The following PDS5B variants were observed in gnomAD, a reference collection of about 807,000 sequenced individuals.
PDS5B encodes PDS5 cohesin associated factor B, also known as sister chromatid cohesion protein PDS5 homolog B.
PDS5B carries 51 observed loss-of-function variants against 184.1 expected under a neutral mutation model. That is an observed-to-expected ratio of 0.28 (90% CI 0.22 to 0.35). The LOEUF (loss-of-function observed/expected upper bound fraction) is 0.35, where lower values mean the gene tolerates loss of function less well. Among genes scored for constraint, PDS5B ranks in the 10% least tolerant of loss-of-function variants. The pLI, the probability that PDS5B is intolerant of heterozygous loss-of-function variation, is 1.00. For synonymous variants in PDS5B, 566 were observed against 569.2 expected (o/e 0.99, Z 0.08); for missense variants, 1,180 against 1,723.3 (o/e 0.68, Z 5.58).
intron 19 of PDS5B, among the ~76,000 whole-genome samples, chr13:32,727,248 C>T (rs1198627942): frequency 2.6e-5 from 4 of 152,134 alleles, no homozygotes; most frequent in African/African-American, 9.7e-5. Context: ...CTTCCATGCC[C>T]ATTTCCTCCA....
chr13:32,711,171 G>A (rs1215730252), intron 19 of PDS5B, among the ~76,000 whole-genome samples: 1 of 150,996 alleles, frequency 6.6e-6, no homozygotes, highest in East Asian at 2.0e-4. Flanking sequence ...TTTTTGTAGA[G>A]ACAGGGTTTT....
Position 32,775,952 on chromosome 13 carries a change from G to A in PDS5B, c.*900G>A. On this transcript the variant is annotated 3_prime_UTR_variant, in exon 35 of 35. Coordinates refer to ENST00000315596, the MANE Select transcript of PDS5B (RefSeq NM_015032.4). Reference sequence around the variant, plus strand: ...TTATTGTGTATAGATATTTCCTCTTGAACGTTATGTTCAGAAAATGCAAAT... The same window carrying A: ...TTATTGTGTATAGATATTTCCTCTTAAACGTTATGTTCAGAAAATGCAAAT... The A allele has an allele frequency of 5.1e-6, 1 of 194,862 alleles. No individual in the cohort carries two copies. The allele number at this position is 194,862 out of a possible 1,614,324, so 12.1% of individuals were successfully genotyped here.
intron 1 of PDS5B, among the ~76,000 whole-genome samples, chr13:32,638,955 A>C (rs1197810660): frequency 6.6e-6 from 1 of 151,782 alleles, no homozygotes; most frequent in African/African-American, 2.4e-5. Context: ...AGCAGTCTAC[A>C]TGGGGGCGTG....
At chr13:32,773,807 C>T (rs934301623) in intron 34 of PDS5B, among the ~76,000 whole-genome samples, 1 of 152,012 alleles carries the variant, frequency 6.6e-6, no homozygotes, top group Non-Finnish European at 1.5e-5. Flanking sequence ...TACTTCCTGA[C>T]TTTTTTGTTT....
chr13:32,651,992 C>T lies in PDS5B; in HGVS notation c.297C>T (p.Ser99=), dbSNP rs1488850081. 1 of 1,609,800 alleles carries T rather than the reference C, an allele frequency of 6.2e-7. No homozygotes were observed. The highest frequency in any genetic ancestry group is 1.7e-5 in the Admixed American group (1 of 59,998). The part of the protein sequence containing the change: ...RIYAPEAPYT[S]PDKLKDIFMF... ...ATGCTCCTGAAGCTCCTTACACATCCCCTGATAAACTAAAGGCAAGTACTG... is the reference window on the plus strand; with the variant it reads ...ATGCTCCTGAAGCTCCTTACACATCTCCTGATAAACTAAAGGCAAGTACTG... The change falls in exon 3 of 35, where the codon TCC becomes TCT. Residue 99 remains serine, a synonymous_variant. Transcript: ENST00000315596.
At chr13:32,665,302 T>G (rs1950755113) in intron 6 of PDS5B, among the ~76,000 whole-genome samples, 1 of 151,316 alleles carries the variant, frequency 6.6e-6, no homozygotes, top group Non-Finnish European at 1.5e-5. Context: ...AAAATAAACG[T>G]CTTTGGGGGC....
intron 30 of PDS5B, among the ~76,000 whole-genome samples, chr13:32,761,313 C>T (rs1051444764): frequency 1.3e-5 from 2 of 151,808 alleles, no homozygotes; most frequent in Non-Finnish European, 2.9e-5. Context: ...ATATAAACTT[C>T]GTTTTTTTAA....
intron 31 of PDS5B, among the ~76,000 whole-genome samples, chr13:32,769,489 A>G (rs1360717094): frequency 6.6e-6 from 1 of 152,256 alleles, no homozygotes; most frequent in Non-Finnish European, 1.5e-5. Flanking sequence ...CTCTGAATAT[A>G]GACTAGGATT....
At chr13:32,666,377 C>T (rs1480589209) in intron 6 of PDS5B, among the ~76,000 whole-genome samples, 1 of 152,110 alleles carries the variant, frequency 6.6e-6, no homozygotes, top group Non-Finnish European at 1.5e-5. Context: ...CAGTGCCCAT[C>T]CTCTTTCTAG....
chr13:32,647,000 T>C (rs1950244807), intron 1 of PDS5B, among the ~76,000 whole-genome samples: 1 of 152,190 alleles, frequency 6.6e-6, no homozygotes, highest in African/African-American at 2.4e-5. Context: ...AGGTACTGTG[T>C]GTGCTCTAAA....
Position 32,764,736 on chromosome 13 carries a change from A to G in PDS5B, c.3624+142A>G, listed in dbSNP as rs1159731415. 3.6e-5 allele frequency: 17 copies of G among 474,086 alleles called. No homozygotes were observed. The East Asian group carries it at 5.9e-4, about 17-fold the overall frequency. 29.4% of individuals were successfully genotyped at this position (474,086 alleles called of 1,614,324 possible). On this transcript the variant is annotated intron_variant, in intron 31 of 34. Coordinates refer to ENST00000315596, the MANE Select transcript of PDS5B (RefSeq NM_015032.4). ...TGGTTTTAACCACAAACCTGAGTTT[A>G]TAATTATCCTCTATGTAATTTAAGT...
At chr13:32,611,607 T>C (rs2058143788) in intron 1 of PDS5B, among the ~76,000 whole-genome samples, 1 of 150,402 alleles carries the variant, frequency 6.6e-6, no homozygotes, top group South Asian at 2.1e-4. Flanking sequence ...TCCTGGGCTC[T>C]AGTGATCTTC....
intron 19 of PDS5B, among the ~76,000 whole-genome samples, chr13:32,716,514 C>T (rs1349173203): frequency 8.5e-5 from 13 of 152,220 alleles, no homozygotes; most frequent in Middle Eastern, 6.8e-3. Flanking sequence ...GCAGCCACCC[C>T]GTCTGGGAAG....
intron 6 of PDS5B, among the ~76,000 whole-genome samples, chr13:32,660,662 A>G (rs1197227646): frequency 6.6e-6 from 1 of 152,194 alleles, no homozygotes; most frequent in Non-Finnish European, 1.5e-5. Flanking sequence ...TGAGGCCTCC[A>G]TCCGTTGATT....
At chr13:32,761,424 A>G (rs1282789050) in intron 30 of PDS5B, among the ~76,000 whole-genome samples, 1 of 152,092 alleles carries the variant, frequency 6.6e-6, no homozygotes, top group Non-Finnish European at 1.5e-5. Context: ...GCATCCAGAT[A>G]GTGAGTATAG....
chr13:32,719,792 CT>C (rs397686930), intron 19 of PDS5B, among the ~76,000 whole-genome samples: 113 of 143,018 alleles, frequency 7.9e-4, no homozygotes, highest in Admixed American at 1.8e-3. Flanking sequence ...ACCCCCCCCC[CT>C]TTTTTTTTTG....
intron 31 of PDS5B, among the ~76,000 whole-genome samples, chr13:32,769,610 A>T (rs1394794693): frequency 6.6e-6 from 1 of 152,238 alleles, no homozygotes; most frequent in Admixed American, 6.5e-5. Context: ...AAAATTTATA[A>T]TAAATGATGA....
chr13:32,648,145 G>T (rs149855292), intron 1 of PDS5B, among the ~76,000 whole-genome samples: 5 of 152,322 alleles, frequency 3.3e-5, no homozygotes, highest in African/African-American at 1.2e-4. Flanking sequence ...TTCCCTCTAG[G>T]GGGTGGGGCT....
chr13:32,724,191 A>T (rs978908248), intron 19 of PDS5B, among the ~76,000 whole-genome samples: 7 of 152,090 alleles, frequency 4.6e-5, no homozygotes, highest in Admixed American at 4.6e-4. Flanking sequence ...ATCGTAGCTC[A>T]CTGCGGCCTT....
Sources: allele counts gnomAD v4.1 joint callset (sites outside exome capture counted in the v4.1 genomes callset), GRCh38; gene constraint gnomAD v4.1.1; transcripts MANE v1.5; gene names NCBI Gene and HGNC (gene_info 2026-07-23, HGNC 2026-07-21).